The following KCND3 variants were observed in gnomAD, a reference collection of about 807,000 sequenced individuals.
KCND3 encodes A-type voltage-gated potassium channel KCND3.
In KCND3, 9 loss-of-function variants were observed where a neutral mutation model predicts 51.1. That is an observed-to-expected ratio of 0.18 (90% CI 0.11 to 0.31). The LOEUF is 0.31. Among genes scored for constraint, KCND3 ranks in the 10% least tolerant of loss-of-function variants. The pLI, the probability that KCND3 is intolerant of heterozygous loss-of-function variation, is 1.00. For missense variants in KCND3, 526 were observed against 903.8 expected (o/e 0.58, Z 5.36); for synonymous variants, 349 against 368.0 (o/e 0.95, Z 0.59).
intron 2 of KCND3, among the ~76,000 whole-genome samples, chr1:111,811,515 G>C (rs1283387475): frequency 1.3e-5 from 2 of 152,162 alleles, no homozygotes; most frequent in African/African-American, 2.4e-5. Flanking sequence ...TCAGCTGTGG[G>C]GACTGGCTAA....
chr1:111,870,430 G>C (rs1668779138), intron 2 of KCND3, among the ~76,000 whole-genome samples: 1 of 152,218 alleles, frequency 6.6e-6, no homozygotes, highest in Non-Finnish European at 1.5e-5. Context: ...CTTGAACTAA[G>C]AGGACAGATG....
intron 2 of KCND3, among the ~76,000 whole-genome samples, chr1:111,953,034 T>C (rs975677063): frequency 3.9e-5 from 6 of 152,036 alleles, no homozygotes; most frequent in Non-Finnish European, 5.9e-5. Flanking sequence ...TCAGATGAGG[T>C]ACCATTATCC....
At chr1:111,792,944 T>A (rs918168187) in intron 2 of KCND3, among the ~76,000 whole-genome samples, 2 of 148,998 alleles carry the variant, frequency 1.3e-5, no homozygotes, top group Non-Finnish European at 3.0e-5. Context: ...ATTTTATATA[T>A]AAAATAATAC....
At chr1:111,973,622 G>A (rs769730808) in intron 2 of KCND3, among the ~76,000 whole-genome samples, 24 of 152,326 alleles carry the variant, frequency 1.6e-4, no homozygotes, top group Middle Eastern at 6.8e-3. Flanking sequence ...TTCCACTTCT[G>A]AAGCAAACAA....
At chr1:111,903,296 G>A (rs984025651) in intron 2 of KCND3, among the ~76,000 whole-genome samples, 2 of 152,228 alleles carry the variant, frequency 1.3e-5, no homozygotes, top group African/African-American at 4.8e-5. Flanking sequence ...GAGCAGGAAA[G>A]GCTGAGCAGG....
At chr1:111,793,617 A>G (rs1187944339) in intron 2 of KCND3, among the ~76,000 whole-genome samples, 14 of 152,328 alleles carry the variant, frequency 9.2e-5, no homozygotes, top group Non-Finnish European at 2.9e-5. Flanking sequence ...TTACACAGTA[A>G]ACACTCATTA....
chr1:111,816,115 G>C (rs1191180383), intron 2 of KCND3, among the ~76,000 whole-genome samples: 10 of 152,252 alleles, frequency 6.6e-5, no homozygotes, highest in Non-Finnish European at 2.9e-5. Context: ...TACAGATGAA[G>C]AAACAAAGGC....
chr1:111,970,031 T>C (rs1674240118), intron 2 of KCND3, among the ~76,000 whole-genome samples: 1 of 152,098 alleles, frequency 6.6e-6, no homozygotes. Context: ...CTTTTTTTTT[T>C]TGGAGATGGA....
At chr1:111,980,080 A>G (rs893238628) in intron 2 of KCND3, among the ~76,000 whole-genome samples, 1 of 152,210 alleles carries the variant, frequency 6.6e-6, no homozygotes, top group Non-Finnish European at 1.5e-5. Context: ...CAAGCTCTCC[A>G]GTCCATTTTA....
intron 2 of KCND3, among the ~76,000 whole-genome samples, chr1:111,787,695 G>C (rs1439921550): frequency 6.6e-6 from 1 of 152,154 alleles, no homozygotes; most frequent in South Asian, 2.1e-4. Context: ...GGCGCCATGA[G>C]GAGTTTTAAG....
chr1:111,843,859 C>T (rs940312629), intron 2 of KCND3, among the ~76,000 whole-genome samples: 1 of 152,070 alleles, frequency 6.6e-6, no homozygotes, highest in Non-Finnish European at 1.5e-5. Flanking sequence ...TTTATGTTGG[C>T]ATAAAATGGG....
At chr1:111,800,143 G>A (rs769777140) in intron 2 of KCND3, among the ~76,000 whole-genome samples, 87 of 143,978 alleles carry the variant, frequency 6.0e-4, no homozygotes, top group Non-Finnish European at 1.1e-3. Context: ...GATGGTTGCC[G>A]TGTCTGTGTA....
chr1:111,850,311 T>C (rs1487401664), intron 2 of KCND3, among the ~76,000 whole-genome samples: 1 of 151,998 alleles, frequency 6.6e-6, no homozygotes, highest in Non-Finnish European at 1.5e-5. Flanking sequence ...TCATCATCAG[T>C]GACTAAACAA....
At chr1:111,776,568 T>G (rs1043862528) in intron 7 of KCND3, among the ~76,000 whole-genome samples, 8 of 152,188 alleles carry the variant, frequency 5.3e-5, no homozygotes, top group Admixed American at 4.6e-4. Flanking sequence ...CTGAATTCTC[T>G]GCAACGCATT....
intron 2 of KCND3, among the ~76,000 whole-genome samples, chr1:111,924,746 C>T (rs1445028287): frequency 1.3e-5 from 2 of 152,224 alleles, no homozygotes; most frequent in Non-Finnish European, 2.9e-5. Flanking sequence ...GCTTGTCTTC[C>T]CTCCAGACAC....
chr1:111,956,535 G>A (rs945357306), intron 2 of KCND3, among the ~76,000 whole-genome samples: 5 of 152,208 alleles, frequency 3.3e-5, no homozygotes, highest in South Asian at 2.1e-4. Flanking sequence ...AGCACCCTCC[G>A]GGAGCCTCTC....
intron 2 of KCND3, among the ~76,000 whole-genome samples, chr1:111,967,195 G>A (rs1674054264): frequency 1.3e-5 from 2 of 151,850 alleles, no homozygotes; most frequent in Non-Finnish European, 2.9e-5. Context: ...GGGTCGGGGG[G>A]TAAACTCCCC....
At position 111,982,923 on chromosome 1, in the gene KCND3, C is replaced by T. The variant is rs975805887; in HGVS notation, c.-72-125G>A. ...AAGTCTCCAGGGCAGATTAATAAAA[C>T]TGAAATCCCCACCACAGAGAGGGGA... On this transcript the variant is annotated intron_variant, in intron 1 of 7. Transcript: ENST00000302127. The surrounding 1 kb of genome is among the most constrained non-coding windows in gnomAD (Gnocchi z 8.5). The T allele has an allele frequency of 2.3e-5, 16 of 704,788 alleles. No individual in the cohort carries two copies. Among genetic ancestry groups the T allele is most frequent in the Non-Finnish European group, 3.6e-5 (15 of 422,326 alleles). The allele number at this position is 704,788 out of a possible 1,614,324, so 43.7% of individuals were successfully genotyped here.
intron 2 of KCND3, among the ~76,000 whole-genome samples, chr1:111,818,216 G>A (rs897605670): frequency 2.0e-5 from 3 of 152,198 alleles, no homozygotes; most frequent in Non-Finnish European, 2.9e-5. Flanking sequence ...AGCAAGGATG[G>A]CCTCTGGGCA....
Sources: gnomAD v4.1 joint callset for allele counts (sites outside exome capture counted in the v4.1 genomes callset) on GRCh38, gnomAD v4.1.1 for gene constraint, Gnocchi (gnomAD v3.1) non-coding constraint, MANE v1.5 for transcripts, NCBI Gene and HGNC (gene_info 2026-07-23, HGNC 2026-07-21) for gene names.